The following INSR variants were observed in gnomAD, a reference collection of about 807,000 sequenced individuals.
INSR encodes the protein insulin receptor, also known as IR.
A neutral mutation model predicts 142.6 loss-of-function variants in INSR; 67 were observed. That is an observed-to-expected ratio of 0.47 (90% confidence interval 0.39 to 0.58). The LOEUF is 0.58. Ranked by LOEUF, INSR falls within the 20% of genes least tolerant of loss-of-function variation. INSR has a pLI of 0.00. For synonymous variants in INSR, 756 were observed against 743.1 expected (o/e 1.02, Z -0.28); for missense variants, 1,248 against 1,833.2 (o/e 0.68, Z 5.83).
intron 2 of INSR, among the ~76,000 whole-genome samples, chr19:7,250,142 G>C (rs1312866364): frequency 1.3e-5 from 2 of 151,082 alleles, no homozygotes; most frequent in African/African-American, 2.4e-5. Context: ...CTGGGTGACA[G>C]AGCAAGACCC....
intron 9 of INSR, among the ~76,000 whole-genome samples, chr19:7,155,364 C>A (rs1286161560): frequency 6.6e-6 from 1 of 151,776 alleles, no homozygotes; most frequent in African/African-American, 2.4e-5. Flanking sequence ...TAGTGAAACG[C>A]TGTCTCTACT....
At chr19:7,255,060 A>G (rs1255858046) in intron 2 of INSR, among the ~76,000 whole-genome samples, 1 of 146,932 alleles carries the variant, frequency 6.8e-6, no homozygotes, top group Admixed American at 6.8e-5. Context: ...AAGCCAGGCA[A>G]TGGTGGGAAT....
chr19:7,160,339 G>A lies in INSR; in HGVS notation c.2029+2693C>T, dbSNP rs1973714662. On this transcript the variant is annotated intron_variant, in intron 9 of 21. Coordinates refer to ENST00000302850, the MANE Select transcript of INSR (RefSeq NM_000208.4). ...TTTTTGTATTTTGAGTAGAGACGGG[G>A]TTTTGCCATATTGGCCAGGGTGGTC... Among the ~76,000 whole-genome samples, 5 of 151,586 alleles carry A rather than the reference G, an allele frequency of 3.3e-5. No individual in the cohort carries two copies. The South Asian group carries it at 1.0e-3, about 32-fold the overall frequency.
chr19:7,233,666 G>GTTT (rs1442548192), intron 2 of INSR, among the ~76,000 whole-genome samples: 3 of 106,976 alleles, frequency 2.8e-5, no homozygotes, highest in Admixed American at 1.2e-4. Flanking sequence ...TTCTTTTTCT[G>GTTT]TCTTTTTTTT....
rs929708791 is a variant in INSR, at chr19:7,267,960, G to C, written c.101-64C>G. Reference sequence around the variant, plus strand: ...AGACGCACGGTGGATGCATCAGAAGGATCAGGGGCAGAGCCGGCTTCATGG... The same window carrying C: ...AGACGCACGGTGGATGCATCAGAAGCATCAGGGGCAGAGCCGGCTTCATGG... On this transcript the variant is annotated intron_variant, in intron 1 of 21. Transcript: ENST00000302850. The surrounding 1 kb of genome is among the most constrained non-coding windows in gnomAD (Gnocchi z 6.3). 1.4e-6 allele frequency: 2 copies of C among 1,389,430 alleles called. No homozygotes were observed. The highest frequency in any genetic ancestry group is 1.4e-5 in the African/African-American group (1 of 70,396). 86.1% of individuals were successfully genotyped at this position (1,389,430 alleles called of 1,614,324 possible).
intron 2 of INSR, among the ~76,000 whole-genome samples, chr19:7,256,968 A>C (rs996191969): frequency 8.7e-6 from 1 of 114,630 alleles, no homozygotes; most frequent in African/African-American, 3.4e-5. Context: ...TTTGAGATGG[A>C]GTCTCGCTGT....
intron 2 of INSR, among the ~76,000 whole-genome samples, chr19:7,242,634 G>A (rs1431633666): frequency 2.7e-5 from 4 of 150,772 alleles, no homozygotes; most frequent in Non-Finnish European, 2.9e-5. Context: ...CTACTCAGGA[G>A]GCTGAGACAA....
At chr19:7,171,963 G>T (rs1974025401) in intron 5 of INSR, among the ~76,000 whole-genome samples, 1 of 149,518 alleles carries the variant, frequency 6.7e-6, no homozygotes, top group Non-Finnish European at 1.5e-5. Flanking sequence ...CCAGGCTGGA[G>T]TGCAGTAGTG....
intron 9 of INSR, among the ~76,000 whole-genome samples, chr19:7,153,851 A>G (rs942463995): frequency 3.3e-5 from 5 of 152,100 alleles, no homozygotes; most frequent in African/African-American, 1.2e-4. Flanking sequence ...CCCTGTCTCT[A>G]CTAAAAATAA....
chr19:7,136,178 T>G (rs904074210), intron 13 of INSR, among the ~76,000 whole-genome samples: 1 of 151,958 alleles, frequency 6.6e-6, no homozygotes, highest in Non-Finnish European at 1.5e-5. Context: ...TCATGGCTAA[T>G]TTGGGGCTGA....
chr19:7,156,052 CTTTTTTTTTT>C (rs147889782), intron 9 of INSR, among the ~76,000 whole-genome samples: 827 of 67,346 alleles, frequency 0.012, 18 homozygotes, highest in African/African-American at 0.048. Flanking sequence ...ATATGGAATT[CTTTTTTTTTT>C]TTTTTTTTTT....
At chr19:7,276,394 C>T (rs371110021) in intron 1 of INSR, among the ~76,000 whole-genome samples, 5 of 152,092 alleles carry the variant, frequency 3.3e-5, no homozygotes, top group African/African-American at 1.2e-4. Context: ...AGTCCTGCGT[C>T]GGCCTCCCAG....
chr19:7,181,665 G>A (rs2144979976), intron 3 of INSR, among the ~76,000 whole-genome samples: 1 of 151,712 alleles, frequency 6.6e-6, no homozygotes, highest in African/African-American at 2.4e-5. Flanking sequence ...TGCCTCCTGG[G>A]TTCAAGCAAT....
chr19:7,289,702 G>A (rs116363554), intron 1 of INSR, among the ~76,000 whole-genome samples: 3,766 of 152,208 alleles, frequency 0.025, 160 homozygotes, highest in African/African-American at 0.085. Flanking sequence ...CACTGCACCC[G>A]GCCGAGGATT....
intron 9 of INSR, among the ~76,000 whole-genome samples, chr19:7,154,784 C>A (rs761336356): frequency 6.6e-6 from 1 of 151,710 alleles, no homozygotes; most frequent in South Asian, 2.1e-4. Flanking sequence ...GTTAGCCGGG[C>A]GTGGTGGTGG....
At position 7,113,342 on chromosome 19, in the gene INSR, C is replaced by A. The variant is rs1282666713; in HGVS notation, c.*3714G>T. 1 of 152,178 alleles carries A rather than the reference C, an allele frequency of 6.6e-6. No individual in the cohort carries two copies. The highest frequency in any genetic ancestry group is 1.5e-5 in the Non-Finnish European group (1 of 68,046). 9.4% of individuals were successfully genotyped at this position (152,178 alleles called of 1,614,324 possible). A position where few individuals can be genotyped will look rare whatever the true frequency, so the allele number is the denominator to read the frequency against. On this transcript the variant is annotated 3_prime_UTR_variant, in exon 22 of 22. Coordinates refer to ENST00000302850, the MANE Select transcript of INSR (RefSeq NM_000208.4). ...AGGGTCACAGGATGACCTATGCAGA[C>A]CCTTGTGTCAGTTCCCACAGCTTCT...
intron 9 of INSR, among the ~76,000 whole-genome samples, chr19:7,157,303 C>T (rs1349460432): frequency 6.7e-6 from 1 of 149,382 alleles, no homozygotes; most frequent in Non-Finnish European, 1.5e-5. Flanking sequence ...TTATTAGAGA[C>T]GGGGTTTTGC....
intron 13 of INSR, among the ~76,000 whole-genome samples, chr19:7,137,137 C>T (rs1175252951): frequency 1.3e-5 from 2 of 152,022 alleles, no homozygotes; most frequent in East Asian, 1.9e-4. Flanking sequence ...TGGCCTAAAA[C>T]TTTATTTTTA....
At chr19:7,135,185 A>T (rs1056143910) in intron 13 of INSR, among the ~76,000 whole-genome samples, 6 of 149,998 alleles carry the variant, frequency 4.0e-5, no homozygotes, top group African/African-American at 1.5e-4. Context: ...GGGTGGGGGC[A>T]GGGAACTCCA....
Sources: allele counts gnomAD v4.1 joint callset (sites outside exome capture counted in the v4.1 genomes callset), GRCh38; gene constraint gnomAD v4.1.1; non-coding constraint Gnocchi (gnomAD v3.1); transcripts MANE v1.5; gene names NCBI Gene and HGNC (gene_info 2026-07-23, HGNC 2026-07-21).